The following NXPE4 variants were observed in gnomAD, a reference collection of about 807,000 sequenced individuals.
The protein encoded by NXPE4 is NXPE family member 4.
Under a neutral mutation model 33.3 loss-of-function variants are expected in NXPE4, and 42 were observed. That is an observed-to-expected ratio of 1.26 (90% CI 0.98 to 1.63). The LOEUF is 1.63. Ranked by LOEUF, NXPE4 falls within the 40% of genes most tolerant of loss-of-function variation. NXPE4 has a pLI of 0.00. For missense variants in NXPE4, 709 were observed against 647.6 expected (o/e 1.09, Z -1.03); for synonymous variants, 253 against 234.9 (o/e 1.08, Z -0.71).
the NXPE4 span, among the ~76,000 whole-genome samples, chr11:114,602,305 A>T: frequency 1.7e-5 from 2 of 116,012 alleles, no homozygotes; most frequent in Non-Finnish European, 3.3e-5. Flanking sequence ...AACATATACT[A>T]TATATAATAT....
At chr11:114,638,429 A>G in the NXPE4 span, among the ~76,000 whole-genome samples, 1 of 151,828 alleles carries the variant, frequency 6.6e-6, no homozygotes, top group Non-Finnish European at 1.5e-5. Context: ...TGTAGCTCAG[A>G]GTAGTTTGAT....
At chr11:114,666,730 T>C in the NXPE4 span, among the ~76,000 whole-genome samples, 64 of 152,234 alleles carry the variant, frequency 4.2e-4, no homozygotes, top group African/African-American at 1.5e-3. Context: ...GGCATATGCA[T>C]GTGAGAAGCT....
At chr11:114,638,951 T>G in the NXPE4 span, among the ~76,000 whole-genome samples, 4 of 152,052 alleles carry the variant, frequency 2.6e-5, no homozygotes, top group East Asian at 1.9e-4. Flanking sequence ...CTGCCCATTT[T>G]CAGATCTCCA....
At chr11:114,645,470 C>A in the NXPE4 span, among the ~76,000 whole-genome samples, 1 of 151,944 alleles carries the variant, frequency 6.6e-6, no homozygotes. Context: ...AAAAGGATTT[C>A]TGAAAGACAA....
chr11:114,639,983 TATA>T, the NXPE4 span, among the ~76,000 whole-genome samples: 11,150 of 116,956 alleles, frequency 0.095, 695 homozygotes, highest in Middle Eastern at 0.18. Context: ...TATAATATAA[TATA>T]ATAATGTTAT....
the NXPE4 span, among the ~76,000 whole-genome samples, chr11:114,640,997 A>G: frequency 1.3e-5 from 2 of 152,066 alleles, no homozygotes; most frequent in African/African-American, 4.8e-5. Context: ...AATCAACATC[A>G]TTGGAGAATG....
chr11:114,604,693 G>A, the NXPE4 span, among the ~76,000 whole-genome samples: 1 of 151,938 alleles, frequency 6.6e-6, no homozygotes, highest in African/African-American at 2.4e-5. Context: ...CAGTTACCTG[G>A]TGGAGAATAA....
At chr11:114,636,231 A>G in the NXPE4 span, among the ~76,000 whole-genome samples, 6 of 151,948 alleles carry the variant, frequency 3.9e-5, no homozygotes, top group Non-Finnish European at 8.8e-5. Context: ...TTTTTTCTAG[A>G]TTCTCTAGTT....
At chr11:114,649,079 C>T in the NXPE4 span, among the ~76,000 whole-genome samples, 75 of 151,986 alleles carry the variant, frequency 4.9e-4, 3 homozygotes, top group Admixed American at 4.9e-3. Flanking sequence ...TATTTATCCT[C>T]CACTACCATT....
At chr11:114,647,848 C>A in the NXPE4 span, among the ~76,000 whole-genome samples, 1 of 151,904 alleles carries the variant, frequency 6.6e-6, no homozygotes, top group South Asian at 2.1e-4. Flanking sequence ...ATTACAGGTG[C>A]CTGCCACTGT....
the NXPE4 span, among the ~76,000 whole-genome samples, chr11:114,612,502 A>T: frequency 6.6e-6 from 1 of 151,748 alleles, no homozygotes; most frequent in African/African-American, 2.4e-5. Flanking sequence ...GCTGGATAAT[A>T]AGTGTTTCCT....
chr11:114,604,902 G>A, the NXPE4 span, among the ~76,000 whole-genome samples: 39 of 151,762 alleles, frequency 2.6e-4, no homozygotes, highest in East Asian at 4.5e-3. Context: ...ACTGTTACCC[G>A]GTGGATAATT....
chr11:114,632,877 AT>A, the NXPE4 span, among the ~76,000 whole-genome samples: 1 of 84,282 alleles, frequency 1.2e-5, no homozygotes, highest in Non-Finnish European at 2.0e-5. Context: ...TAATTATATA[AT>A]TATATATTAT....
At position 114,570,956 on chromosome 11, in the gene NXPE4, TA is replaced by T; in HGVS notation, c.1616del (p.Leu539TyrfsTer2). On this transcript the variant is annotated frameshift_variant, in exon 6 of 6. Transcript: ENST00000375478. LOFTEE classifies it high-confidence loss of function. Reference protein sequence around the residue: ...QHVVGNQINILLNYIC With the variant: ...QHVVGNQINIXLNYIC The stretch of plus-strand genomic sequence containing the variant: ...GTGTTATTTAACAAATATAGTTTAA[TA>T]ATATATTAATCTGATTTCCGACTAC... The T allele has an allele frequency of 6.3e-7, 1 of 1,595,528 alleles. No individual in the cohort carries two copies. Among genetic ancestry groups the T allele is most frequent in the Non-Finnish European group, 8.5e-7 (1 of 1,169,710 alleles).
chr11:114,675,425 A>G, the NXPE4 span, among the ~76,000 whole-genome samples: 4 of 151,824 alleles, frequency 2.6e-5, no homozygotes, highest in Non-Finnish European at 4.4e-5. Flanking sequence ...TCCACCAAAA[A>G]ACTGTTAGAA....
intron 4 of NXPE4, among the ~76,000 whole-genome samples, 166 bp from the exon 5 acceptor site, chr11:114,580,504 T>C (rs1565331552): frequency 6.6e-6 from 1 of 152,202 alleles, no homozygotes; most frequent in African/African-American, 2.4e-5. Flanking sequence ...GTTTTTTTAA[T>C]AAAAATTTTT....
intron 5 of NXPE4, among the ~76,000 whole-genome samples, chr11:114,573,927 T>C (rs1334620446): frequency 6.6e-6 from 1 of 152,052 alleles, no homozygotes; most frequent in African/African-American, 2.4e-5. Flanking sequence ...TATCAGCACA[T>C]GGAACATTCT....
At chr11:114,657,911 T>C in the NXPE4 span, among the ~76,000 whole-genome samples, 1 of 152,208 alleles carries the variant, frequency 6.6e-6, no homozygotes. Context: ...CAAAGACGAA[T>C]AGAATACAGT....
At chr11:114,577,731 A>G (rs1408655065) in intron 5 of NXPE4, among the ~76,000 whole-genome samples, 2 of 152,116 alleles carry the variant, frequency 1.3e-5, no homozygotes, top group Non-Finnish European at 2.9e-5. Flanking sequence ...TTGTAGACTA[A>G]GCTCATTTGA....
Sources: allele counts gnomAD v4.1 joint callset (sites outside exome capture counted in the v4.1 genomes callset), GRCh38; gene constraint gnomAD v4.1.1; transcripts MANE v1.5; gene names NCBI Gene and HGNC (gene_info 2026-07-23, HGNC 2026-07-21).